IL19: variants seen among roughly 807,000 people sequenced by gnomAD.
IL19 encodes the protein interleukin 19, also known as interleukin-19.
IL19 carries 15 observed loss-of-function variants against 19.5 expected under a neutral mutation model. The ratio of observed to expected loss-of-function variants is 0.77; its 90% confidence interval spans 0.52 to 1.19. The LOEUF (loss-of-function observed/expected upper bound fraction) is 1.19, where lower values mean the gene tolerates loss of function less well. IL19 is among the 50% of genes most tolerant of loss of function. The pLI is 0.00. For synonymous variants in IL19, 78 were observed against 78.3 expected, an observed-to-expected ratio of 1.00 and a Z score of 0.02; for missense variants, 199 against 213.1, an observed-to-expected ratio of 0.93 and a Z score of 0.41.
intron 4 of IL19, among the ~76,000 whole-genome samples, chr1:206,837,419 A>G (rs1367985947): frequency 6.6e-6 from 1 of 152,188 alleles, no homozygotes; most frequent in Non-Finnish European, 1.5e-5. Context: ...GTGTAAGATC[A>G]GTGAAGGTCG....
At position 206,788,815 on chromosome 1, in the gene IL19, G is replaced by T. The variant is rs577893605; in HGVS notation, c.-148-10046G>T. Among the ~76,000 whole-genome samples, 3 of 152,310 alleles carry T rather than the reference G, an allele frequency of 2.0e-5. No homozygotes were observed. The East Asian group carries it at 5.8e-4, about 29-fold the overall frequency. On this transcript the variant is annotated intron_variant, in intron 1 of 6. Coordinates refer to ENST00000659997, the MANE Select transcript of IL19 (RefSeq NM_153758.5). ...GAGGCAAGAGCCTTGATTCCATAGC[G>T]GTTTCTCTTAGCACAGATTCCAGAA...
At chr1:206,834,291 C>T in intron 2 of IL19, 1 of 985,530 alleles carries the variant, frequency 1.0e-6, no homozygotes. Context: ...CCCAGCAAAC[C>T]TTGACAGCAT....
chr1:206,779,412 T>C (rs1675079576), intron 1 of IL19, among the ~76,000 whole-genome samples: 1 of 152,156 alleles, frequency 6.6e-6, no homozygotes, highest in African/African-American at 2.4e-5. Context: ...GTTGGCCCAC[T>C]GGACCCATTT....
intron 2 of IL19, among the ~76,000 whole-genome samples, chr1:206,822,019 G>A (rs11811158): frequency 2.6e-5 from 4 of 152,258 alleles, no homozygotes; most frequent in Non-Finnish European, 2.9e-5. Flanking sequence ...GTGCCCCACC[G>A]TGCCTGGAAT....
intron 2 of IL19, chr1:206,834,356 A>C: frequency 4.1e-6 from 4 of 985,676 alleles, no homozygotes; most frequent in Non-Finnish European, 4.8e-6. Flanking sequence ...GGCAGAGAGC[A>C]CTGAGAGGAG....
intron 1 of IL19, 187 bp downstream of exon 1, chr1:206,771,265 A>T (rs1400547981): frequency 7.7e-6 from 10 of 1,306,800 alleles, no homozygotes; most frequent in Non-Finnish European, 1.1e-5. Flanking sequence ...AAAGCGAAGG[A>T]AACAAACCCA....
intron 1 of IL19, among the ~76,000 whole-genome samples, chr1:206,792,415 C>G (rs1176734301): frequency 3.9e-5 from 6 of 152,126 alleles, no homozygotes; most frequent in African/African-American, 4.8e-5. Context: ...ACATGATGCT[C>G]TGATTGACCC....
At chr1:206,775,195 C>T (rs553379797) in intron 1 of IL19, among the ~76,000 whole-genome samples, 22 of 152,090 alleles carry the variant, frequency 1.4e-4, no homozygotes, top group Non-Finnish European at 2.8e-4. Context: ...CGCCTGGCAC[C>T]ACGCCCGGCT....
chr1:206,836,944 G>A lies in IL19; in HGVS notation c.145-14G>A. 6.2e-7 allele frequency: 1 copy of A among 1,612,842 alleles called. No homozygotes were observed. Among genetic ancestry groups the A allele is most frequent in the Non-Finnish European group, 8.5e-7 (1 of 1,178,888 alleles). On this transcript the variant is annotated splice_polypyrimidine_tract_variant and intron_variant, in intron 3 of 6. Transcript: ENST00000659997. ...ACCGATTGCTTATGTCTGTTCTTATGTTTCCCTCCACAGCAAGCTAAGGAC... is the reference window on the plus strand; with the variant it reads ...ACCGATTGCTTATGTCTGTTCTTATATTTCCCTCCACAGCAAGCTAAGGAC...
chr1:206,831,470 A>G (rs1676608275), intron 2 of IL19, among the ~76,000 whole-genome samples: 1 of 152,158 alleles, frequency 6.6e-6, no homozygotes, highest in Non-Finnish European at 1.5e-5. Flanking sequence ...CTCAATCTAT[A>G]TTCTTATTTT....
chr1:206,827,366 A>C (rs921591221), intron 2 of IL19, among the ~76,000 whole-genome samples: 2 of 152,060 alleles, frequency 1.3e-5, no homozygotes, highest in Non-Finnish European at 2.9e-5. Flanking sequence ...AATTTTGTCC[A>C]TCTATTTTTG....
chr1:206,811,350 G>A (rs532426609), intron 2 of IL19, among the ~76,000 whole-genome samples: 14 of 151,724 alleles, frequency 9.2e-5, no homozygotes, highest in Admixed American at 2.0e-4. Context: ...AGGCTGAGGC[G>A]GGAGAATGGC....
At chr1:206,806,729 C>G (rs1675856031) in intron 2 of IL19, among the ~76,000 whole-genome samples, 1 of 152,162 alleles carries the variant, frequency 6.6e-6, no homozygotes, top group Non-Finnish European at 1.5e-5. Flanking sequence ...GTCCCCTTTC[C>G]ACTATCAATC....
rs183722813 is a variant in IL19, at chr1:206,781,910, T to C, written c.-149+10832T>C. Among the ~76,000 whole-genome samples, 16 of 116,642 alleles carry C rather than the reference T, an allele frequency of 1.4e-4. 1 individual carries two copies. The highest frequency in any genetic ancestry group is 4.5e-4 in the African/African-American group (13 of 28,982). The allele number at this position is 116,642 out of a possible 152,430, so 76.5% of individuals were successfully genotyped here. A position where few individuals can be genotyped will look rare whatever the true frequency, so the allele number is the denominator to read the frequency against. On this transcript the variant is annotated intron_variant, in intron 1 of 6. Transcript: ENST00000659997. ...ATGTATATAGTTATATATACATATA[T>C]ATGTATATAGTTATATATACATATA...
chr1:206,780,054 C>T (rs539566563), intron 1 of IL19, among the ~76,000 whole-genome samples: 7 of 150,640 alleles, frequency 4.6e-5, no homozygotes, highest in Non-Finnish European at 8.9e-5. Flanking sequence ...TGCTCTCCTC[C>T]TGTCTTCATC....
intron 2 of IL19, among the ~76,000 whole-genome samples, chr1:206,816,236 A>G (rs918363701): frequency 2.6e-5 from 4 of 152,358 alleles, no homozygotes; most frequent in African/African-American, 7.2e-5. Context: ...GCAAAGAAAT[A>G]AAGGGCACTG....
At chr1:206,781,301 G>T (rs1321865428) in intron 1 of IL19, among the ~76,000 whole-genome samples, 5 of 151,464 alleles carry the variant, frequency 3.3e-5, no homozygotes, top group African/African-American at 1.2e-4. Context: ...AAAATTAGCT[G>T]GGCGTGGTGA....
At chr1:206,775,209 T>G (rs1218405517) in intron 1 of IL19, among the ~76,000 whole-genome samples, 2 of 151,662 alleles carry the variant, frequency 1.3e-5, no homozygotes, top group Admixed American at 1.3e-4. Flanking sequence ...CCCGGCTAAG[T>G]TTTTTTATTT....
At chr1:206,839,758 CAT>C in intron 4 of IL19, 90 bp from the exon 5 acceptor site, 1 of 1,102,054 alleles carries the variant, frequency 9.1e-7, no homozygotes, top group Non-Finnish European at 1.3e-6. Context: ...TTAGTTCTCT[CAT>C]GTGTCGCTGC....
Sources: allele counts gnomAD v4.1 joint callset (sites outside exome capture counted in the v4.1 genomes callset), GRCh38; gene constraint gnomAD v4.1.1; transcripts MANE v1.5; gene names NCBI Gene and HGNC (gene_info 2026-07-23, HGNC 2026-07-21).